Variants in RAB3C observed in about 807,000 individuals in gnomAD.
RAB3C encodes the protein ras-related protein Rab-3C.
RAB3C carries 17 observed loss-of-function variants against 26.4 expected under a neutral mutation model. That is an observed-to-expected ratio of 0.64 (90% CI 0.44 to 0.97). The LOEUF (loss-of-function observed/expected upper bound fraction) is 0.97, where lower values mean the gene tolerates loss of function less well. Ranked by LOEUF, RAB3C falls within the 50% of genes least tolerant of loss-of-function variation. RAB3C has a pLI of 0.00. For synonymous variants in RAB3C, 91 were observed against 95.9 expected (o/e 0.95, Z 0.30); for missense variants, 242 against 281.9 (o/e 0.86, Z 1.01).
intron 2 of RAB3C, among the ~76,000 whole-genome samples, chr5:58,623,491 T>C (rs551812117): frequency 2.6e-5 from 4 of 152,332 alleles, no homozygotes; most frequent in Admixed American, 6.5e-5. Context: ...TTTTCCCCCA[T>C]CACATTTCTT....
Position 58,690,761 on chromosome 5 carries a change from A to T in RAB3C, c.253-35241A>T, listed in dbSNP as rs1347876356. On this transcript the variant is annotated intron_variant, in intron 2 of 4. Transcript: ENST00000282878. ...TTCTTTGCTGCCTTTGTAGTTAAAG[A>T]AAAAAAAAGCAGACTATAGAAAGGC... is the stretch of plus-strand genomic sequence containing the variant. 2.6e-5 allele frequency among the ~76,000 whole-genome samples: 4 copies of T among 151,530 alleles called. No individual in the cohort carries two copies. The South Asian group carries it at 8.3e-4, about 32-fold the overall frequency.
At chr5:58,707,017 T>G (rs1748955508) in intron 2 of RAB3C, among the ~76,000 whole-genome samples, 1 of 152,180 alleles carries the variant, frequency 6.6e-6, no homozygotes. Context: ...CCTTGGACAT[T>G]CCATATTGAA....
chr5:58,727,835 G>A (rs1243466258), intron 3 of RAB3C, among the ~76,000 whole-genome samples: 1 of 151,938 alleles, frequency 6.6e-6, no homozygotes, highest in Non-Finnish European at 1.5e-5. Context: ...CAAAATTCCT[G>A]CCTCATCAAT....
chr5:58,780,604 A>G (rs375593647), intron 3 of RAB3C, among the ~76,000 whole-genome samples: 26 of 152,218 alleles, frequency 1.7e-4, no homozygotes, highest in East Asian at 1.2e-3. Flanking sequence ...TTGCTTATGC[A>G]CTGGCTCCAG....
chr5:58,639,053 T>A (rs1469078404), intron 2 of RAB3C, among the ~76,000 whole-genome samples: 1 of 152,212 alleles, frequency 6.6e-6, no homozygotes, highest in Non-Finnish European at 1.5e-5. Flanking sequence ...ACTGCCACTC[T>A]CACACTAACC....
chr5:58,608,406 A>T (rs951328461), intron 1 of RAB3C, among the ~76,000 whole-genome samples: 1 of 152,254 alleles, frequency 6.6e-6, no homozygotes, highest in Non-Finnish European at 1.5e-5. Context: ...TCAAAAGAAG[A>T]CATTTATGCA....
intron 2 of RAB3C, among the ~76,000 whole-genome samples, chr5:58,661,824 A>G (rs1246793697): frequency 6.7e-6 from 1 of 149,374 alleles, no homozygotes; most frequent in Non-Finnish European, 1.5e-5. Flanking sequence ...TTATGTATGC[A>G]CACTGAGGAA....
intron 2 of RAB3C, among the ~76,000 whole-genome samples, chr5:58,645,380 C>G (rs1048409635): frequency 1.2e-4 from 19 of 152,168 alleles, no homozygotes; most frequent in Non-Finnish European, 2.4e-4. Flanking sequence ...AGAAAATATG[C>G]TTCAGATTTA....
intron 2 of RAB3C, among the ~76,000 whole-genome samples, chr5:58,664,334 T>C (rs1318156963): frequency 6.6e-6 from 1 of 152,198 alleles, no homozygotes; most frequent in Non-Finnish European, 1.5e-5. Flanking sequence ...TGGATGAATC[T>C]TCAGGGAATT....
At chr5:58,693,322 T>TTTTATATA (rs1748610571) in intron 2 of RAB3C, among the ~76,000 whole-genome samples, 2 of 75,236 alleles carry the variant, frequency 2.7e-5, no homozygotes, top group African/African-American at 1.3e-4. Flanking sequence ...AATTAAGAAA[T>TTTTATATA]TATATATATA....
intron 2 of RAB3C, among the ~76,000 whole-genome samples, chr5:58,671,595 C>T (rs1748120017): frequency 6.6e-6 from 1 of 152,184 alleles, no homozygotes. Context: ...CCCTGTCAAG[C>T]ATATCTGCTT....
rs570361795 is a variant in RAB3C, at chr5:58,625,326, CAT to C, written c.252+7458_252+7459del. The stretch of plus-strand genomic sequence containing the variant: ...AGTTTAAATAATTCCCCCCTGGTCA[CAT>C]AACTCTTTATACTGCTTATAGAGTA... On this transcript the variant is annotated intron_variant, in intron 2 of 4. Transcript: ENST00000282878. 3.1e-4 allele frequency among the ~76,000 whole-genome samples: 47 copies of C among 152,262 alleles called. No homozygotes were observed. The East Asian group carries it at 8.3e-3, about 27-fold the overall frequency.
chr5:58,757,263 G>GTAATGTTCT (rs1741691101), intron 3 of RAB3C, among the ~76,000 whole-genome samples: 1 of 151,104 alleles, frequency 6.6e-6, no homozygotes, highest in Non-Finnish European at 1.5e-5. Context: ...ATTTGATCCA[G>GTAATGTTCT]TAATGTTCTT....
chr5:58,836,989 A>G (rs1743762933), intron 4 of RAB3C, among the ~76,000 whole-genome samples: 1 of 152,180 alleles, frequency 6.6e-6, no homozygotes, highest in South Asian at 2.1e-4. Context: ...ACTAGTTTAC[A>G]TTCTTACCAA....
chr5:58,641,105 A>G (rs1747404296), intron 2 of RAB3C, among the ~76,000 whole-genome samples: 1 of 152,172 alleles, frequency 6.6e-6, no homozygotes, highest in African/African-American at 2.4e-5. Context: ...TCATATAATA[A>G]GATCTGGTGT....
chr5:58,810,385 C>CTGTGTG (rs70973156), intron 3 of RAB3C, among the ~76,000 whole-genome samples: 48 of 146,912 alleles, frequency 3.3e-4, no homozygotes, highest in South Asian at 6.4e-4. Context: ...CTCTCTCTCT[C>CTGTGTG]TGTGTGTGTG....
Position 58,636,893 on chromosome 5 carries a change from T to A in RAB3C, c.252+19023T>A, listed in dbSNP as rs1242707053. Reference sequence around the variant, plus strand: ...TAAAGTTCCTGCATTTGTAAAATTTTTGCATATTCAATACATCACATAAAA... The same window carrying A: ...TAAAGTTCCTGCATTTGTAAAATTTATGCATATTCAATACATCACATAAAA... On this transcript the variant is annotated intron_variant, in intron 2 of 4. Coordinates refer to ENST00000282878, the MANE Select transcript of RAB3C (RefSeq NM_138453.4). Among the ~76,000 whole-genome samples the A allele has an allele frequency of 2.0e-5, 3 of 152,184 alleles. 1 individual carries two copies.
At chr5:58,693,922 A>AT (rs927187928) in intron 2 of RAB3C, among the ~76,000 whole-genome samples, 4 of 151,658 alleles carry the variant, frequency 2.6e-5, no homozygotes, top group African/African-American at 7.3e-5. Context: ...CATCTGTTCA[A>AT]TTTTTTTTTA....
At chr5:58,782,980 A>G (rs572809313) in intron 3 of RAB3C, among the ~76,000 whole-genome samples, 1 of 152,154 alleles carries the variant, frequency 6.6e-6, no homozygotes, top group Admixed American at 6.6e-5. Flanking sequence ...GTAGGAGACT[A>G]CCATGTAACC....
Sources: allele counts gnomAD v4.1 joint callset (sites outside exome capture counted in the v4.1 genomes callset), GRCh38; gene constraint gnomAD v4.1.1; transcripts MANE v1.5; gene names NCBI Gene and HGNC (gene_info 2026-07-23, HGNC 2026-07-21).